FBXW4: variants seen among roughly 807,000 people sequenced by gnomAD.
FBXW4 encodes the protein F-box/WD repeat-containing protein 4.
A neutral mutation model predicts 61.8 loss-of-function variants in FBXW4; 40 were observed. That is an observed-to-expected ratio of 0.65 (90% CI 0.50 to 0.84). The LOEUF is 0.84. Ranked by LOEUF, FBXW4 falls within the 40% of genes least tolerant of loss-of-function variation. FBXW4 has a pLI of 0.00. For synonymous variants in FBXW4, 311 were observed against 313.8 expected, an observed-to-expected ratio of 0.99 and a Z score of 0.10; for missense variants, 672 against 753.8, an observed-to-expected ratio of 0.89 and a Z score of 1.27.
At chr10:101,692,294 T>C (rs1323782787) in intron 1 of FBXW4, among the ~76,000 whole-genome samples, 1 of 150,616 alleles carries the variant, frequency 6.6e-6, no homozygotes, top group Non-Finnish European at 1.5e-5. Flanking sequence ...TCTATGTGTA[T>C]ATACATGTGT....
At chr10:101,639,448 C>A (rs1461683978) in intron 5 of FBXW4, among the ~76,000 whole-genome samples, 1 of 152,212 alleles carries the variant, frequency 6.6e-6, no homozygotes, top group Non-Finnish European at 1.5e-5. Context: ...TGAGCTCAGT[C>A]ACCATTCACA....
At chr10:101,656,203 A>G (rs1275925863) in intron 5 of FBXW4, among the ~76,000 whole-genome samples, 1 of 152,196 alleles carries the variant, frequency 6.6e-6, no homozygotes, top group Non-Finnish European at 1.5e-5. Context: ...CTCAGCAGCT[A>G]GAAAGAAACC....
At chr10:101,638,283 T>C (rs555080291) in intron 5 of FBXW4, among the ~76,000 whole-genome samples, 1 of 152,162 alleles carries the variant, frequency 6.6e-6, no homozygotes, top group East Asian at 1.9e-4. Context: ...AAAAAGAACA[T>C]GGTAGGATGG....
chr10:101,665,167 C>G (rs1464851523), intron 5 of FBXW4, among the ~76,000 whole-genome samples: 3 of 151,922 alleles, frequency 2.0e-5, no homozygotes, highest in Non-Finnish European at 2.9e-5. Context: ...GTAAAAAGAC[C>G]CTATCCCAGT....
intron 5 of FBXW4, among the ~76,000 whole-genome samples, chr10:101,646,975 G>GGGT (rs2064105171): frequency 6.6e-6 from 1 of 152,166 alleles, no homozygotes; most frequent in South Asian, 2.1e-4. Flanking sequence ...CTGGCGGGGT[G>GGGT]GGTGGTGGTG....
intron 5 of FBXW4, among the ~76,000 whole-genome samples, chr10:101,632,537 C>CTTG (rs1321759198): frequency 2.0e-5 from 3 of 152,096 alleles, no homozygotes; most frequent in Non-Finnish European, 4.4e-5. Context: ...GTTTCTGATT[C>CTTG]ACTCAAGAAT....
At chr10:101,660,036 A>C (rs1342259412) in intron 5 of FBXW4, 5 of 967,892 alleles carry the variant, frequency 5.2e-6, no homozygotes, top group Non-Finnish European at 6.1e-6. Context: ...AATCACTTGA[A>C]TGGACTGCAC....
chr10:101,672,763 A>G, intron 4 of FBXW4, 152 bp downstream of exon 4: 7 of 824,626 alleles, frequency 8.5e-6, no homozygotes, highest in Non-Finnish European at 1.2e-5. Context: ...GGCAAGCTGC[A>G]TGCCAGAGGC....
intron 2 of FBXW4, among the ~76,000 whole-genome samples, chr10:101,674,777 G>A (rs1049563053): frequency 1.3e-5 from 2 of 152,258 alleles, no homozygotes; most frequent in African/African-American, 4.8e-5. Flanking sequence ...CAATCTGACA[G>A]GAGGAAGAAA....
intron 1 of FBXW4, among the ~76,000 whole-genome samples, chr10:101,678,527 A>G (rs1311394719): frequency 1.3e-5 from 2 of 152,174 alleles, no homozygotes; most frequent in African/African-American, 4.8e-5. Context: ...TCGGGTTCAC[A>G]TCACTCTCCT....
rs1363535688 is a variant in FBXW4, at chr10:101,694,644, C to T, written c.462G>A (p.Val154=). The change falls in exon 1 of 9, where the codon GTG becomes GTA. Residue 154 remains valine (V), a synonymous_variant. Transcript: ENST00000331272. The surrounding 1 kb of genome is among the most constrained non-coding windows in gnomAD (Gnocchi z 6.0). ...CCTCCCCGGCCGCCGCCGCCATGGC[C>T]ACCCCTGTCCCCGCGATGTCGGCCC... The part of the protein sequence containing the change: ...QAWADIAGTG[V]AMAAAAGEEE... 25 of 1,418,478 alleles carry T rather than the reference C, an allele frequency of 1.8e-5. No individual in the cohort carries two copies. Among genetic ancestry groups the T allele is most frequent in the African/African-American group, 1.2e-4 (8 of 66,410 alleles). The allele number at this position is 1,418,478 out of a possible 1,614,324, so 87.9% of individuals were successfully genotyped here. A position where few individuals can be genotyped will look rare whatever the true frequency, so the allele number is the denominator to read the frequency against.
chr10:101,625,128 AGC>A, intron 5 of FBXW4: 1 of 329,064 alleles, frequency 3.0e-6, no homozygotes, highest in East Asian at 6.1e-5. Flanking sequence ...CCCAGGAGAG[AGC>A]GAGCCTGTCG....
At chr10:101,667,288 T>C (rs1479800385) in intron 5 of FBXW4, among the ~76,000 whole-genome samples, 1 of 148,318 alleles carries the variant, frequency 6.7e-6, no homozygotes, top group Non-Finnish European at 1.5e-5. Context: ...TAAATAATAA[T>C]AAAAAAGAGA....
At chr10:101,613,486 G>A (rs2063803897) in intron 6 of FBXW4, among the ~76,000 whole-genome samples, 1 of 152,228 alleles carries the variant, frequency 6.6e-6, no homozygotes. Context: ...ACAAGGCCGT[G>A]GACACTTCAC....
intron 5 of FBXW4, among the ~76,000 whole-genome samples, chr10:101,663,933 A>G (rs754952054): frequency 2.6e-5 from 4 of 152,226 alleles, no homozygotes; most frequent in African/African-American, 4.8e-5. Flanking sequence ...GTGTTGAACA[A>G]TAAGATGGGT....
At chr10:101,637,300 G>A (rs960361438) in intron 5 of FBXW4, among the ~76,000 whole-genome samples, 2 of 147,852 alleles carry the variant, frequency 1.4e-5, no homozygotes, top group Non-Finnish European at 3.0e-5. Context: ...GCTGAGGCAG[G>A]AGAATGGTGT....
intron 5 of FBXW4, among the ~76,000 whole-genome samples, chr10:101,631,379 T>C (rs2063954850): frequency 6.6e-6 from 1 of 151,768 alleles, no homozygotes; most frequent in Admixed American, 6.6e-5. Flanking sequence ...TCCCAAATAA[T>C]ACAAGCAAGA....
intron 5 of FBXW4, among the ~76,000 whole-genome samples, chr10:101,645,597 AG>A (rs1238487970): frequency 4.6e-5 from 7 of 152,366 alleles, no homozygotes; most frequent in African/African-American, 1.7e-4. Flanking sequence ...AGACAAAGAC[AG>A]GGCTTCATTC....
At chr10:101,614,864 G>A (rs2063814015) in intron 6 of FBXW4, among the ~76,000 whole-genome samples, 1 of 152,072 alleles carries the variant, frequency 6.6e-6, no homozygotes, top group African/African-American at 2.4e-5. Context: ...CTTTGATTTG[G>A]GAAAACAAAC....
Sources: gnomAD v4.1 joint callset for allele counts (sites outside exome capture counted in the v4.1 genomes callset) on GRCh38, gnomAD v4.1.1 for gene constraint, Gnocchi (gnomAD v3.1) non-coding constraint, MANE v1.5 for transcripts, NCBI Gene and HGNC (gene_info 2026-07-23, HGNC 2026-07-21) for gene names.